GRID1: variants seen among roughly 807,000 people sequenced by gnomAD.
GRID1 encodes glutamate receptor ionotropic, delta-1.
Under a neutral mutation model 98.0 loss-of-function variants are expected in GRID1, and 28 were observed. That is an observed-to-expected ratio of 0.29 (90% CI 0.21 to 0.39). GRID1 has a LOEUF of 0.39. Among genes scored for constraint, GRID1 ranks in the 10% least tolerant of loss-of-function variants. The pLI is 1.00. For missense variants in GRID1, 1,111 were observed against 1,340.5 expected (o/e 0.83, Z 2.67); for synonymous variants, 553 against 538.5 (o/e 1.03, Z -0.37).
At chr10:85,844,262 GAGGT>G (rs943125489) in intron 8 of GRID1, among the ~76,000 whole-genome samples, 1 of 151,964 alleles carries the variant, frequency 6.6e-6, no homozygotes. Context: ...TGGTTATCAG[GAGGT>G]AGGAACAAGA....
At chr10:86,244,871 T>A (rs548586261) in intron 2 of GRID1, among the ~76,000 whole-genome samples, 1 of 152,356 alleles carries the variant, frequency 6.6e-6, no homozygotes, top group Admixed American at 6.5e-5. Flanking sequence ...CCTAATTAAC[T>A]GTGGTTTAAT....
chr10:86,212,193 A>G (rs1589412862), intron 2 of GRID1, among the ~76,000 whole-genome samples: 1 of 152,030 alleles, frequency 6.6e-6, no homozygotes, highest in South Asian at 2.1e-4. Context: ...TCCTGGTGCC[A>G]CCCCCCAGTC....
At chr10:85,636,735 T>C (rs1056164679) in intron 13 of GRID1, among the ~76,000 whole-genome samples, 1 of 152,136 alleles carries the variant, frequency 6.6e-6, no homozygotes, top group Admixed American at 6.5e-5. Context: ...AAGGAGTTGA[T>C]GAAAAAAAAT....
At chr10:86,344,011 C>A (rs1272216486) in intron 2 of GRID1, among the ~76,000 whole-genome samples, 1 of 152,270 alleles carries the variant, frequency 6.6e-6, no homozygotes, top group Non-Finnish European at 1.5e-5. Flanking sequence ...GGCCACCGTT[C>A]ATTGGCTGGC....
In GRID1 at chr10:86,196,453, G is replaced by A. The variant is rs2814353; in HGVS notation, c.520+9911C>T. ...TTTCAGCCTCACAGGAACCCTCCAC[G>A]GTAGGCGTTTTTATTATCCCCACTA... On this transcript the variant is annotated intron_variant, in intron 3 of 15. Coordinates refer to ENST00000327946, the MANE Select transcript of GRID1 (RefSeq NM_017551.3). 5.4e-4 allele frequency among the ~76,000 whole-genome samples: 82 copies of A among 151,856 alleles called. 2 individuals are homozygous for A. The highest frequency in any genetic ancestry group is 1.9e-3 in the African/African-American group (79 of 41,418).
chr10:86,307,878 T>C (rs759509391), intron 2 of GRID1, among the ~76,000 whole-genome samples: 33 of 152,250 alleles, frequency 2.2e-4, no homozygotes, highest in Non-Finnish European at 3.8e-4. Flanking sequence ...CCTTTGTTTT[T>C]GTTGATGTTT....
intron 8 of GRID1, among the ~76,000 whole-genome samples, chr10:85,841,525 A>C (rs1842961207): frequency 6.6e-6 from 1 of 152,222 alleles, no homozygotes; most frequent in African/African-American, 2.4e-5. Context: ...AGCAAAAGAA[A>C]CTACCAATAG....
At chr10:86,301,533 C>A (rs1847687547) in intron 2 of GRID1, among the ~76,000 whole-genome samples, 1 of 152,202 alleles carries the variant, frequency 6.6e-6, no homozygotes, top group Non-Finnish European at 1.5e-5. Flanking sequence ...CAGATCTAGA[C>A]CCATTTTCAA....
intron 4 of GRID1, among the ~76,000 whole-genome samples, chr10:86,045,973 G>A (rs1035585842): frequency 1.3e-5 from 2 of 152,150 alleles, no homozygotes; most frequent in African/African-American, 4.8e-5. Flanking sequence ...GGGATTTTCA[G>A]GTGATTTTGA....
At chr10:86,034,202 G>A (rs1378865097) in intron 4 of GRID1, among the ~76,000 whole-genome samples, 1 of 152,136 alleles carries the variant, frequency 6.6e-6, no homozygotes, top group Non-Finnish European at 1.5e-5. Flanking sequence ...GAGTTGCCCA[G>A]AAAAAGGGAG....
At chr10:85,873,978 A>T (rs1843303797) in intron 5 of GRID1, among the ~76,000 whole-genome samples, 1 of 152,204 alleles carries the variant, frequency 6.6e-6, no homozygotes, top group Admixed American at 6.5e-5. Flanking sequence ...TTCATTTTCA[A>T]AGCTGTGCAC....
At chr10:86,001,460 C>T (rs759286023) in intron 4 of GRID1, among the ~76,000 whole-genome samples, 13 of 152,342 alleles carry the variant, frequency 8.5e-5, no homozygotes, top group Admixed American at 6.5e-4. Flanking sequence ...CACCTAACTT[C>T]ATGTCCAAAT....
intron 4 of GRID1, among the ~76,000 whole-genome samples, chr10:86,122,863 G>A (rs1844696413): frequency 6.6e-6 from 1 of 152,188 alleles, no homozygotes; most frequent in African/African-American, 2.4e-5. Context: ...GTGGAGACAA[G>A]GGGGGAGCCC....
At chr10:86,087,486 G>A (rs1844078249) in intron 4 of GRID1, among the ~76,000 whole-genome samples, 1 of 147,454 alleles carries the variant, frequency 6.8e-6, no homozygotes, top group African/African-American at 2.6e-5. Flanking sequence ...GTCTCTACAA[G>A]AAGATCCAAG....
At chr10:86,038,456 T>G (rs1221412144) in intron 4 of GRID1, among the ~76,000 whole-genome samples, 2 of 152,112 alleles carry the variant, frequency 1.3e-5, no homozygotes, top group Non-Finnish European at 2.9e-5. Flanking sequence ...AAGCAAGAGG[T>G]GACTAATGGG....
chr10:86,120,013 A>T (rs1188213916), intron 4 of GRID1, among the ~76,000 whole-genome samples: 3 of 151,838 alleles, frequency 2.0e-5, no homozygotes, highest in African/African-American at 4.8e-5. Context: ...TGTTAGCAAG[A>T]TGGTCTCGAT....
rs779119301 is a variant in GRID1 at position 86,206,694 on chromosome 10, TGCTGCACCAGCTTCAACCTGCAG to T, written c.236-69_236-47del. ...GAGGAAGGGGTCAGCATCAGGGCGA[TGCTGCACCAGCTTCAACCTGCAG>T]GCCCCATGCCTGGCAGCTCATGCCC... On this transcript the variant is annotated intron_variant, in intron 2 of 15. Coordinates refer to ENST00000327946, the MANE Select transcript of GRID1 (RefSeq NM_017551.3). This position sits in a 1 kb window ranked among gnomAD's most constrained non-coding sequence, Gnocchi z 4.1. The T allele has an allele frequency of 3.9e-6, 6 of 1,555,406 alleles. No homozygotes were observed. The highest frequency in any genetic ancestry group is 5.3e-6 in the Non-Finnish European group (6 of 1,140,150).
intron 5 of GRID1, among the ~76,000 whole-genome samples, chr10:85,873,235 G>C (rs1303446930): frequency 6.6e-6 from 1 of 152,218 alleles, no homozygotes; most frequent in Non-Finnish European, 1.5e-5. Flanking sequence ...ACCTTCTTAA[G>C]TGTGCAGAGG....
intron 4 of GRID1, among the ~76,000 whole-genome samples, chr10:86,125,116 C>T (rs1377134324): frequency 5.9e-5 from 9 of 152,238 alleles, no homozygotes; most frequent in South Asian, 4.1e-4. Flanking sequence ...GCTCCCTGGA[C>T]GTGCTGCACC....
Sources: gnomAD v4.1 joint callset for allele counts (sites outside exome capture counted in the v4.1 genomes callset) on GRCh38, gnomAD v4.1.1 for gene constraint, Gnocchi (gnomAD v3.1) non-coding constraint, MANE v1.5 for transcripts, NCBI Gene and HGNC (gene_info 2026-07-23, HGNC 2026-07-21) for gene names.